Variants in UGT1A7 observed in about 807,000 individuals in gnomAD.
The protein encoded by UGT1A7 is UDP-glucuronosyltransferase 1A7.
Under a neutral mutation model 45.6 loss-of-function variants are expected in UGT1A7, and 33 were observed. That is an observed-to-expected ratio of 0.72 (90% confidence interval 0.55 to 0.97). UGT1A7 has a LOEUF of 0.97. Among genes scored for constraint, UGT1A7 ranks in the 50% least tolerant of loss-of-function variants. The pLI, the probability that UGT1A7 is intolerant of heterozygous loss-of-function variation, is 0.00. For synonymous variants in UGT1A7, 274 were observed against 250.6 expected (o/e 1.09, Z -0.88); for missense variants, 684 against 666.2 (o/e 1.03, Z -0.29).
intron 1 of UGT1A7, chr2:233,754,387 G>A: frequency 3.3e-6 from 1 of 304,284 alleles, no homozygotes; most frequent in East Asian, 8.4e-5. Flanking sequence ...ACAAACAGAG[G>A]TCCTATCCGT....
intron 1 of UGT1A7, among the ~76,000 whole-genome samples, chr2:233,720,989 G>T (rs570345451): frequency 2.6e-5 from 4 of 151,812 alleles, no homozygotes; most frequent in East Asian, 3.9e-4. Flanking sequence ...GGGATTACAG[G>T]CAAGAGCCAC....
At chr2:233,760,770 C>T in intron 1 of UGT1A7, 2 of 1,614,054 alleles carry the variant, frequency 1.2e-6, no homozygotes, top group Non-Finnish European at 1.7e-6. Context: ...CCATCGTGGC[C>T]CAGTACCTGT....
intron 1 of UGT1A7, chr2:233,691,073 G>A (rs1251480486): frequency 1.0e-6 from 1 of 986,174 alleles, no homozygotes; most frequent in East Asian, 1.1e-4. Flanking sequence ...TAAAGAATGT[G>A]AAGTTTGTAG....
intron 1 of UGT1A7, chr2:233,729,751 C>G (rs1485305910): frequency 6.2e-7 from 1 of 1,614,002 alleles, no homozygotes; most frequent in Middle Eastern, 1.7e-4. Flanking sequence ...GACATTCATG[C>G]AAAGGGTCAA....
At position 233,719,037 on chromosome 2, in the gene UGT1A7, A is replaced by G. The variant is rs1297848565; in HGVS notation, c.855+36245A>G. ...GGTGAATATGCACATCAAAGAAGAGAAATTTTTCACCCTGACAGCCTATGC... is the reference window on the plus strand; with the variant it reads ...GGTGAATATGCACATCAAAGAAGAGGAATTTTTCACCCTGACAGCCTATGC... On this transcript the variant is annotated intron_variant, in intron 1 of 4. Coordinates refer to ENST00000373426, the MANE Select transcript of UGT1A7 (RefSeq NM_019077.3). The G allele has an allele frequency of 1.1e-5, 18 of 1,614,238 alleles. No individual in the cohort carries two copies. The South Asian group carries it at 2.0e-4, about 18-fold the overall frequency.
chr2:233,703,466 A>ATTATTT lies in UGT1A7; in HGVS notation c.855+20676_855+20681dup, dbSNP rs1421893087. ...GTCGTTAATTTCCCCTCTATTCTTT[A>ATTATTT]TTATTTTCTGCCTTCTTGCTTTGTG... On this transcript the variant is annotated intron_variant, in intron 1 of 4. Transcript: ENST00000373426. Among the ~76,000 whole-genome samples the ATTATTT allele has an allele frequency of 6.6e-5, 10 of 151,422 alleles. No individual in the cohort carries two copies. The East Asian group carries it at 9.7e-4, about 15-fold the overall frequency.
intron 1 of UGT1A7, chr2:233,719,286 C>A (rs1465114425): frequency 1.2e-6 from 2 of 1,614,082 alleles, no homozygotes; most frequent in Non-Finnish European, 1.7e-6. Context: ...CCCCGTTAAC[C>A]TCTGTGGGGC....
rs766058550 is a variant in UGT1A7, at chr2:233,767,176, T to C, written c.987+11T>C. 2 of 1,614,040 alleles carry C rather than the reference T, an allele frequency of 1.2e-6. No individual in the cohort carries two copies. Among genetic ancestry groups the C allele is most frequent in the Admixed American group, 1.7e-5 (1 of 60,022 alleles). Reference sequence around the variant, plus strand: ...AAAATCCCTCAGACAGTAAGAAGATTCTATACCATGGCCTCATATCTATTT... The same window carrying C: ...AAAATCCCTCAGACAGTAAGAAGATCCTATACCATGGCCTCATATCTATTT... On this transcript the variant is annotated intron_variant, in intron 2 of 4. Coordinates refer to ENST00000373426, the MANE Select transcript of UGT1A7 (RefSeq NM_019077.3).
intron 1 of UGT1A7, among the ~76,000 whole-genome samples, chr2:233,707,183 C>T (rs192389190): frequency 1.4e-4 from 22 of 152,240 alleles, no homozygotes; most frequent in Admixed American, 5.2e-4. Context: ...TCCTGGGTGC[C>T]TGCCCTCCGT....
chr2:233,750,986 G>T (rs1230774000), intron 1 of UGT1A7, among the ~76,000 whole-genome samples: 1 of 151,784 alleles, frequency 6.6e-6, no homozygotes, highest in Non-Finnish European at 1.5e-5. Flanking sequence ...TTGTGAGAAG[G>T]CGGCCACCAT....
chr2:233,707,802 G>A (rs900827108), intron 1 of UGT1A7, among the ~76,000 whole-genome samples: 5 of 152,298 alleles, frequency 3.3e-5, no homozygotes, highest in South Asian at 2.1e-4. Flanking sequence ...GAGCTGCTGC[G>A]TTGGAGGGCG....
intron 1 of UGT1A7, among the ~76,000 whole-genome samples, chr2:233,689,249 A>G (rs2074933528): frequency 1.3e-5 from 2 of 152,208 alleles, no homozygotes; most frequent in Non-Finnish European, 1.5e-5. Context: ...TGAGTGATTC[A>G]GACTTGACTA....
At chr2:233,690,403 A>G in intron 1 of UGT1A7, 1 of 1,165,082 alleles carries the variant, frequency 8.6e-7, no homozygotes, top group Non-Finnish European at 1.1e-6. Context: ...TCCTATTCCC[A>G]ACATGAAATT....
intron 1 of UGT1A7, among the ~76,000 whole-genome samples, chr2:233,694,361 G>A (rs1283070804): frequency 6.6e-6 from 1 of 151,520 alleles, no homozygotes; most frequent in African/African-American, 2.4e-5. Context: ...AGCTAAGAAT[G>A]GTTTTTGTAG....
intron 1 of UGT1A7, among the ~76,000 whole-genome samples, chr2:233,749,634 C>A (rs1417032704): frequency 6.6e-6 from 1 of 151,820 alleles, no homozygotes; most frequent in East Asian, 1.9e-4. Context: ...GTATCCCCCA[C>A]CAAATCTCAT....
At chr2:233,726,475 A>G (rs1008542072) in intron 1 of UGT1A7, among the ~76,000 whole-genome samples, 16 of 152,160 alleles carry the variant, frequency 1.1e-4, no homozygotes, top group African/African-American at 3.1e-4. Context: ...TTTAACAGAA[A>G]TTTCCTTTTT....
intron 1 of UGT1A7, chr2:233,729,534 C>A: frequency 6.2e-7 from 1 of 1,614,090 alleles, no homozygotes; most frequent in Non-Finnish European, 8.5e-7. Flanking sequence ...ATAATGAGGC[C>A]CTGATCAGGC....
At chr2:233,721,819 T>C in intron 1 of UGT1A7, 1 of 516,632 alleles carries the variant, frequency 1.9e-6, no homozygotes, top group Non-Finnish European at 3.9e-6. Flanking sequence ...TCCAGCACCC[T>C]ATTTGGGCCA....
chr2:233,743,698 C>T (rs368889261), intron 1 of UGT1A7: 29 of 1,367,192 alleles, frequency 2.1e-5, no homozygotes, highest in Middle Eastern at 2.1e-4. Context: ...AGCCGCCCTC[C>T]GCCCCCGCCT....
Sources: gnomAD v4.1 joint callset for allele counts (sites outside exome capture counted in the v4.1 genomes callset) on GRCh38, gnomAD v4.1.1 for gene constraint, MANE v1.5 for transcripts, NCBI Gene and HGNC (gene_info 2026-07-23, HGNC 2026-07-21) for gene names.